ITGA2: variants seen among roughly 807,000 people sequenced by gnomAD.
ITGA2 encodes the protein integrin subunit alpha 2, also known as integrin alpha-2.
Under a neutral mutation model 146.3 loss-of-function variants are expected in ITGA2, and 101 were observed. The observed-to-expected ratio is 0.69, with a 90% CI of 0.59 to 0.81. The LOEUF (loss-of-function observed/expected upper bound fraction) is 0.81, where lower values mean the gene tolerates loss of function less well. Among genes scored for constraint, ITGA2 ranks in the 40% least tolerant of loss-of-function variants. The probability of loss-of-function intolerance (pLI) is 0.00; values close to 1 mark genes in which losing one functional copy is unlikely to be tolerated. For missense variants in ITGA2, 1,281 were observed against 1,402.7 expected, an observed-to-expected ratio of 0.91 and a Z score of 1.39; for synonymous variants, 477 against 487.1, an observed-to-expected ratio of 0.98 and a Z score of 0.27.
intron 2 of ITGA2, among the ~76,000 whole-genome samples, chr5:53,027,709 G>C (rs538467194): frequency 2.6e-5 from 4 of 152,148 alleles, no homozygotes; most frequent in African/African-American, 9.7e-5. Context: ...ACTCACCCTG[G>C]AACTTCAGAT....
At chr5:53,057,459 A>G (rs1744696217) in intron 9 of ITGA2, among the ~76,000 whole-genome samples, 1 of 151,940 alleles carries the variant, frequency 6.6e-6, no homozygotes, top group South Asian at 2.1e-4. Flanking sequence ...AGGCAAGCAC[A>G]TATACAGAAC....
chr5:53,034,489 GT>G (rs1337368865), intron 2 of ITGA2, among the ~76,000 whole-genome samples: 1 of 151,764 alleles, frequency 6.6e-6, no homozygotes, highest in East Asian at 1.9e-4. Context: ...CTGGATACAA[GT>G]TTGTGTGTGC....
At position 53,091,242 on chromosome 5, in the gene ITGA2, A is replaced by G. The variant is rs1225940997; in HGVS notation, c.*643A>G. On this transcript the variant is annotated 3_prime_UTR_variant, in exon 30 of 30. Transcript: ENST00000296585. ...CACACCCCATCTTGCTCTAATGATC[A>G]AAACATGCTTGAATAACTGAGCTTA... 6.3e-6 allele frequency: 1 copy of G among 159,570 alleles called. No individual in the cohort carries two copies. Among genetic ancestry groups the G allele is most frequent in the Non-Finnish European group, 1.4e-5 (1 of 72,262 alleles). The allele number at this position is 159,570 out of a possible 1,614,324, so 9.9% of individuals were successfully genotyped here. A position where few individuals can be genotyped will look rare whatever the true frequency, so the allele number is the denominator to read the frequency against.
At chr5:53,078,962 G>C (rs1745785395) in intron 24 of ITGA2, 88 bp downstream of exon 24, 1 of 788,428 alleles carries the variant, frequency 1.3e-6, no homozygotes, top group South Asian at 1.4e-5. Context: ...AAAGTAAAAA[G>C]AAATTGAAAG....
chr5:53,013,843 G>A (rs986855642), intron 1 of ITGA2, among the ~76,000 whole-genome samples: 1 of 151,928 alleles, frequency 6.6e-6, no homozygotes, highest in African/African-American at 2.4e-5. Context: ...GTACTCCTAG[G>A]TATTTTATTC....
intron 2 of ITGA2, among the ~76,000 whole-genome samples, chr5:53,028,122 C>T (rs1178750833): frequency 6.6e-6 from 1 of 152,044 alleles, no homozygotes; most frequent in African/African-American, 2.4e-5. Flanking sequence ...ATTCATAAGC[C>T]TTTTTTTCTG....
Position 53,051,499 on chromosome 5 carries a change from C to A in ITGA2, c.719C>A (p.Ser240Tyr), listed in dbSNP as rs770853489. The change falls in exon 7 of 30, where the codon TCC (serine) becomes TAC (tyrosine). Residue 240 changes from serine (S) to tyrosine (Y), a missense_variant. Around this residue, in one of 3 missense-constraint regions of ITGA2, gnomAD observed 795 missense variants for 841.7 expected, o/e 0.94. Coordinates refer to ENST00000296585, the MANE Select transcript of ITGA2 (RefSeq NM_002203.4). ...KTKEEMIVAT[S>Y]QTSQYGGDLT... ...AAAGAAGAAATGATTGTAGCAACAT[C>A]CCAGACATCCCAATATGGTGGGGAC... is the stretch of plus-strand genomic sequence containing the variant. The A allele has an allele frequency of 6.2e-7, 1 of 1,613,556 alleles. No individual in the cohort carries two copies. Among genetic ancestry groups the A allele is most frequent in the Non-Finnish European group, 8.5e-7 (1 of 1,179,674 alleles).
chr5:53,028,723 G>A (rs918675311), intron 2 of ITGA2, among the ~76,000 whole-genome samples: 1 of 152,136 alleles, frequency 6.6e-6, no homozygotes, highest in Non-Finnish European at 1.5e-5. Context: ...TTCTGCACAA[G>A]CTAATGAGGC....
intron 1 of ITGA2, among the ~76,000 whole-genome samples, chr5:52,992,401 G>A (rs1180268264): frequency 2.0e-5 from 3 of 152,066 alleles, no homozygotes; most frequent in African/African-American, 7.2e-5. Flanking sequence ...ATTTCCATCA[G>A]CCACCAAATT....
chr5:53,042,643 A>G (rs1185510066), intron 3 of ITGA2, among the ~76,000 whole-genome samples: 1 of 152,158 alleles, frequency 6.6e-6, no homozygotes, highest in East Asian at 1.9e-4. Flanking sequence ...TTATGTCTAA[A>G]TGATGGCATT....
At chr5:53,023,652 A>G (rs1440554568) in intron 1 of ITGA2, among the ~76,000 whole-genome samples, 1 of 152,212 alleles carries the variant, frequency 6.6e-6, no homozygotes, top group Non-Finnish European at 1.5e-5. Context: ...TTAAGTATGT[A>G]TAGACACATG....
intron 1 of ITGA2, among the ~76,000 whole-genome samples, chr5:53,025,792 C>T (rs1455139640): frequency 6.6e-6 from 1 of 152,178 alleles, no homozygotes; most frequent in Admixed American, 6.5e-5. Flanking sequence ...AAATATTGAT[C>T]TTAAGCAACA....
intron 1 of ITGA2, among the ~76,000 whole-genome samples, chr5:52,998,021 A>G (rs1022965163): frequency 5.3e-5 from 8 of 152,228 alleles, no homozygotes; most frequent in African/African-American, 1.9e-4. Flanking sequence ...ATGATTAAAA[A>G]TTTATGGAAG....
chr5:53,037,445 A>G (rs955251188), intron 2 of ITGA2, among the ~76,000 whole-genome samples: 5 of 152,184 alleles, frequency 3.3e-5, no homozygotes, highest in African/African-American at 1.2e-4. Context: ...AACATATCCA[A>G]TTTCCCACCT....
intron 1 of ITGA2, among the ~76,000 whole-genome samples, chr5:53,008,648 C>G (rs1432204685): frequency 1.3e-5 from 2 of 152,040 alleles, no homozygotes; most frequent in African/African-American, 4.8e-5. Flanking sequence ...TAGAGTCTCT[C>G]TCTCTCTGCC....
chr5:53,000,508 C>G (rs1741507984), intron 1 of ITGA2, among the ~76,000 whole-genome samples: 1 of 152,134 alleles, frequency 6.6e-6, no homozygotes, highest in South Asian at 2.1e-4. Flanking sequence ...ACTCTCTCTA[C>G]TGTATTGTCC....
At chr5:53,085,873 A>C (rs1167510398) in intron 27 of ITGA2, among the ~76,000 whole-genome samples, 1 of 152,170 alleles carries the variant, frequency 6.6e-6, no homozygotes, top group Non-Finnish European at 1.5e-5. Flanking sequence ...GAAAATAGTG[A>C]AATATACACA....
intron 1 of ITGA2, among the ~76,000 whole-genome samples, chr5:53,003,401 T>C (rs1355753736): frequency 1.3e-5 from 2 of 152,152 alleles, no homozygotes; most frequent in Non-Finnish European, 2.9e-5. Flanking sequence ...TCACTTATTA[T>C]CTCTCATGGT....
At chr5:53,041,855 G>T (rs1042029298) in intron 2 of ITGA2, among the ~76,000 whole-genome samples, 1 of 152,012 alleles carries the variant, frequency 6.6e-6, no homozygotes, top group Non-Finnish European at 1.5e-5. Flanking sequence ...GCTAATATTC[G>T]TAGCTTGCAT....
Sources: allele counts gnomAD v4.1 joint callset (sites outside exome capture counted in the v4.1 genomes callset), GRCh38; gene constraint gnomAD v4.1.1; regional missense constraint gnomAD v4.1.1; transcripts MANE v1.5; gene names NCBI Gene and HGNC (gene_info 2026-07-23, HGNC 2026-07-21).